The following JADE3 variants were observed in gnomAD, a reference collection of about 807,000 sequenced individuals.
JADE3 encodes protein Jade-3.
JADE3 carries 2 observed loss-of-function variants against 50.1 expected under a neutral mutation model. The ratio of observed to expected loss-of-function variants is 0.04; its 90% CI spans 0.02 to 0.13. JADE3 has a LOEUF of 0.13. Among genes scored for constraint, JADE3 ranks in the 10% least tolerant of loss-of-function variants. JADE3 has a pLI of 1.00. For missense variants in JADE3, 475 were observed against 634.4 expected (o/e 0.75, Z 2.70); for synonymous variants, 218 against 232.9 (o/e 0.94, Z 0.58).
intron 1 of JADE3, among the ~76,000 whole-genome samples, chrX:46,965,888 C>T: frequency 8.9e-6 from 1 of 111,810 alleles, no homozygotes; most frequent in Non-Finnish European, 1.9e-5. Context: ...AATCTCTTGA[C>T]CGTGGAGGCA....
In JADE3 at chrX:47,023,194, T is replaced by C. The variant is rs1052462287; in HGVS notation, c.285-1530T>C. 8.1e-5 allele frequency among the ~76,000 whole-genome samples: 9 copies of C among 111,353 alleles called. 1 individual carries two copies. Among genetic ancestry groups the C allele is most frequent in the Non-Finnish European group, 1.7e-4 (9 of 53,067 alleles). Reference sequence around the variant, plus strand: ...CATAAATAAACGTGTGCCATGGTCGTTTGCTGCACAAATCATCCCATCACC... The same window carrying C: ...CATAAATAAACGTGTGCCATGGTCGCTTGCTGCACAAATCATCCCATCACC... On this transcript the variant is annotated intron_variant, in intron 4 of 10. Coordinates refer to ENST00000614628, the MANE Select transcript of JADE3 (RefSeq NM_014735.5).
chrX:47,039,317 G>T (rs782132799), intron 8 of JADE3, among the ~76,000 whole-genome samples: 1 of 110,993 alleles, frequency 9.0e-6, no homozygotes, highest in Non-Finnish European at 1.9e-5. Flanking sequence ...GATGAATTAA[G>T]TGAGTTCTAA....
At chrX:46,942,066 T>G (rs1556342411) in intron 1 of JADE3, among the ~76,000 whole-genome samples, 1 of 111,178 alleles carries the variant, frequency 9.0e-6, no homozygotes, top group African/African-American at 3.3e-5. Flanking sequence ...TTAATGGGGT[T>G]GTTTTTTCAC....
At chrX:46,990,271 T>C (rs1422892881) in intron 3 of JADE3, among the ~76,000 whole-genome samples, 1 of 111,751 alleles carries the variant, frequency 8.9e-6, no homozygotes, top group African/African-American at 3.3e-5. Context: ...TTTAGTATTA[T>C]GTCATTAGAC....
chrX:46,969,753 C>T (rs1203689889), intron 1 of JADE3, among the ~76,000 whole-genome samples: 2 of 111,852 alleles, frequency 1.8e-5, no homozygotes, highest in African/African-American at 6.5e-5. Flanking sequence ...TGCTCGAACC[C>T]GGGAGGCAGA....
intron 7 of JADE3, among the ~76,000 whole-genome samples, chrX:47,037,508 G>A (rs1421369144): frequency 8.9e-6 from 1 of 111,933 alleles, no homozygotes; most frequent in East Asian, 2.8e-4. Flanking sequence ...ACCTTGGCTG[G>A]GCGCAGTGGC....
chrX:47,045,635 A>T (rs1335927166), intron 8 of JADE3, among the ~76,000 whole-genome samples: 1 of 112,582 alleles, frequency 8.9e-6, no homozygotes, highest in African/African-American at 3.2e-5. Flanking sequence ...AGGATAGACC[A>T]TGTGTCAGGT....
chrX:47,019,052 C>T (rs782601866), intron 4 of JADE3, among the ~76,000 whole-genome samples: 4 of 111,800 alleles, frequency 3.6e-5, no homozygotes, highest in South Asian at 3.8e-4. Flanking sequence ...CAAGTGCATG[C>T]GTTCCTGCAA....
chrX:47,024,330 A>T (rs892305199), intron 4 of JADE3, among the ~76,000 whole-genome samples: 49 of 111,752 alleles, frequency 4.4e-4, no homozygotes, highest in African/African-American at 1.6e-3. Flanking sequence ...ACCCAAAAAA[A>T]AATTTTTCAA....
chrX:47,013,668 A>C (rs1488799213), intron 4 of JADE3, among the ~76,000 whole-genome samples: 1 of 111,509 alleles, frequency 9.0e-6, no homozygotes, highest in Non-Finnish European at 1.9e-5. Flanking sequence ...ATATTAGGAC[A>C]CAAAAAGAAG....
chrX:46,968,748 G>A (rs1927419522), intron 1 of JADE3, among the ~76,000 whole-genome samples: 1 of 110,122 alleles, frequency 9.1e-6, no homozygotes, highest in South Asian at 4.1e-4. Flanking sequence ...TTTTAAATGT[G>A]TATGCACCAC....
intron 1 of JADE3, among the ~76,000 whole-genome samples, chrX:46,974,351 G>A (rs1292762536): frequency 9.0e-6 from 1 of 110,975 alleles, no homozygotes; most frequent in Non-Finnish European, 1.9e-5. Flanking sequence ...GTTGCAGTGA[G>A]CCAAGATCGC....
chrX:47,002,679 TA>T (rs56653702), intron 4 of JADE3, among the ~76,000 whole-genome samples: 9,021 of 94,185 alleles, frequency 0.096, 847 homozygotes, highest in African/African-American at 0.27. Flanking sequence ...CAGTTTTATT[TA>T]AAAAAAAAAA....
chrX:47,048,064 T>C (rs1006856303), intron 8 of JADE3, among the ~76,000 whole-genome samples: 2 of 111,399 alleles, frequency 1.8e-5, no homozygotes, highest in Admixed American at 9.6e-5. Flanking sequence ...TCACCCTTGG[T>C]GTTCAGCGAT....
At chrX:47,002,661 A>T (rs1602403540) in intron 4 of JADE3, among the ~76,000 whole-genome samples, 1 of 100,014 alleles carries the variant, frequency 1.0e-5, no homozygotes, top group African/African-American at 3.8e-5. Context: ...TGAATTACTT[A>T]GTTCTGGCAG....
At chrX:47,024,323 C>CA (rs1442371763) in intron 4 of JADE3, among the ~76,000 whole-genome samples, 10 of 110,544 alleles carry the variant, frequency 9.0e-5, no homozygotes, top group Non-Finnish European at 1.9e-4. Context: ...ATCTCTTACC[C>CA]AAAAAAAAAT....
At chrX:46,971,999 T>G (rs182324548) in intron 1 of JADE3, among the ~76,000 whole-genome samples, 1 of 110,417 alleles carries the variant, frequency 9.1e-6, no homozygotes, top group Non-Finnish European at 1.9e-5. Flanking sequence ...TGTTCTTTCT[T>G]TCAGTAAACA....
At chrX:46,983,369 A>C (rs1377823124) in intron 1 of JADE3, among the ~76,000 whole-genome samples, 1 of 107,085 alleles carries the variant, frequency 9.3e-6, no homozygotes, top group Non-Finnish European at 1.9e-5. Context: ...CTGGTATAGA[A>C]CCCCCACCCC....
intron 1 of JADE3, among the ~76,000 whole-genome samples, chrX:46,943,044 A>G (rs782148790): frequency 8.0e-5 from 9 of 112,513 alleles, no homozygotes; most frequent in African/African-American, 2.9e-4. Flanking sequence ...TGATTTTCAT[A>G]TATTGATTAT....
Sources: gnomAD v4.1 joint callset for allele counts (sites outside exome capture counted in the v4.1 genomes callset) on GRCh38, gnomAD v4.1.1 for gene constraint, MANE v1.5 for transcripts, NCBI Gene and HGNC (gene_info 2026-07-23, HGNC 2026-07-21) for gene names.